Variants in CDH9 observed in about 807,000 individuals in gnomAD.
CDH9 encodes the protein cadherin 9, also known as cadherin-9.
A neutral mutation model predicts 70.9 loss-of-function variants in CDH9; 28 were observed. The observed-to-expected ratio is 0.40, with a 90% CI of 0.29 to 0.54. CDH9 has a LOEUF of 0.54. Ranked by LOEUF, CDH9 falls within the 20% of genes least tolerant of loss-of-function variation. The pLI is 0.59. For synonymous variants in CDH9, 409 were observed against 343.1 expected (o/e 1.19, Z -2.12); for missense variants, 874 against 984.4 (o/e 0.89, Z 1.50).
At chr5:26,930,803 A>G (rs1205335413) in intron 2 of CDH9, among the ~76,000 whole-genome samples, 1 of 152,142 alleles carries the variant, frequency 6.6e-6, no homozygotes, top group Non-Finnish European at 1.5e-5. Context: ...AATTTTAATC[A>G]TTATAATACA....
intron 1 of CDH9, among the ~76,000 whole-genome samples, chr5:27,012,583 G>A (rs542331890): frequency 4.6e-5 from 7 of 152,022 alleles, no homozygotes; most frequent in African/African-American, 1.7e-4. Context: ...AGCATAACAT[G>A]AGTCTAATGT....
At chr5:27,021,796 TA>T (rs2112126121) in intron 1 of CDH9, among the ~76,000 whole-genome samples, 1 of 152,114 alleles carries the variant, frequency 6.6e-6, no homozygotes, top group East Asian at 1.9e-4. Context: ...AACTGCATTT[TA>T]CAACAGGATT....
Position 27,001,159 on chromosome 5 carries a change from CTT to C in CDH9, c.-49-12779_-49-12778del, listed in dbSNP as rs1256277660. 5.9e-5 allele frequency among the ~76,000 whole-genome samples: 9 copies of C among 152,186 alleles called. No homozygotes were observed. In the East Asian group the frequency reaches 1.5e-3, roughly 26 times the overall value. ...TAGTAGGTAGGAGCTGGAAAGATGGCTTCAGGAAAGAATTCAGGCTGTAACAA... is the reference window on the plus strand; with the variant it reads ...TAGTAGGTAGGAGCTGGAAAGATGGCCAGGAAAGAATTCAGGCTGTAACAA... On this transcript the variant is annotated intron_variant, in intron 1 of 11. Coordinates refer to ENST00000231021, the MANE Select transcript of CDH9 (RefSeq NM_016279.4).
At chr5:27,010,503 T>C (rs892908961) in intron 1 of CDH9, among the ~76,000 whole-genome samples, 2 of 152,114 alleles carry the variant, frequency 1.3e-5, no homozygotes, top group African/African-American at 4.8e-5. Context: ...TCTAAACTTA[T>C]CCCTTTCTTA....
intron 1 of CDH9, among the ~76,000 whole-genome samples, chr5:27,019,272 G>C (rs1378184820): frequency 6.6e-6 from 1 of 151,980 alleles, no homozygotes; most frequent in East Asian, 1.9e-4. Flanking sequence ...TGGAGATGCA[G>C]ATATTAATAA....
intron 2 of CDH9, among the ~76,000 whole-genome samples, chr5:26,934,423 C>T (rs1010987980): frequency 3.3e-5 from 5 of 152,102 alleles, no homozygotes; most frequent in African/African-American, 1.2e-4. Context: ...TGTGATTGTG[C>T]CACTGCACTC....
intron 2 of CDH9, among the ~76,000 whole-genome samples, chr5:26,959,770 A>AT (rs916857165): frequency 3.9e-5 from 6 of 152,040 alleles, no homozygotes; most frequent in African/African-American, 9.7e-5. Flanking sequence ...CTAATGTATG[A>AT]TTTTTTTATA....
In CDH9 at chr5:26,883,088, TATATATAA is replaced by T. The variant is rs1262368262; in HGVS notation, c.1883-1473_1883-1466del. Among the ~76,000 whole-genome samples the T allele has an allele frequency of 1.6e-3, 185 of 119,158 alleles. 4 individuals carry two copies. The highest frequency in any genetic ancestry group is 5.8e-3 in the African/African-American group (179 of 31,016). 78.2% of individuals were successfully genotyped at this position (119,158 alleles called of 152,430 possible). On this transcript the variant is annotated intron_variant, in intron 11 of 11. Transcript: ENST00000231021. Reference sequence around the variant, plus strand: ...ATATATATATATATATATATATATATATATATAAAACTGCAGTAAAAATGAGACCTCTG... The same window carrying T: ...ATATATATATATATATATATATATATAACTGCAGTAAAAATGAGACCTCTG...
At chr5:26,958,555 C>CA (rs1412029976) in intron 2 of CDH9, among the ~76,000 whole-genome samples, 1 of 151,844 alleles carries the variant, frequency 6.6e-6, no homozygotes, top group Admixed American at 6.6e-5. Context: ...TATAAACAGA[C>CA]AAAAAAATTA....
intron 1 of CDH9, among the ~76,000 whole-genome samples, chr5:27,030,758 A>T (rs558381009): frequency 7.3e-5 from 11 of 151,494 alleles, no homozygotes; most frequent in African/African-American, 1.2e-4. Context: ...ACAGAAGGAG[A>T]TGAGTGTGGA....
intron 1 of CDH9, among the ~76,000 whole-genome samples, chr5:27,017,377 A>T (rs910494344): frequency 4.0e-5 from 6 of 151,894 alleles, no homozygotes; most frequent in East Asian, 1.9e-4. Context: ...GGGAATTTTT[A>T]AAAAAATGTT....
At chr5:26,910,603 A>G (rs1158375428) in intron 3 of CDH9, among the ~76,000 whole-genome samples, 3 of 152,218 alleles carry the variant, frequency 2.0e-5, no homozygotes, top group Non-Finnish European at 4.4e-5. Flanking sequence ...GTTTAAAGAA[A>G]CAGAATCACT....
intron 2 of CDH9, among the ~76,000 whole-genome samples, chr5:26,936,864 C>A (rs1741568080): frequency 1.1e-5 from 1 of 94,900 alleles, no homozygotes; most frequent in African/African-American, 3.8e-5. Context: ...CACACACACG[C>A]ACACACACAC....
chr5:26,946,795 G>A (rs929548787), intron 2 of CDH9, among the ~76,000 whole-genome samples: 1 of 152,082 alleles, frequency 6.6e-6, no homozygotes, highest in Non-Finnish European at 1.5e-5. Flanking sequence ...AAAAGAACAA[G>A]AATTGCCTGA....
chr5:26,882,079 G>A (rs1460030358), intron 11 of CDH9, among the ~76,000 whole-genome samples: 2 of 151,870 alleles, frequency 1.3e-5, no homozygotes, highest in African/African-American at 4.8e-5. Flanking sequence ...ATATATACTT[G>A]TATATGCATT....
intron 2 of CDH9, among the ~76,000 whole-genome samples, chr5:26,953,380 A>G (rs1034996657): frequency 1.3e-5 from 2 of 152,198 alleles, no homozygotes; most frequent in Non-Finnish European, 2.9e-5. Context: ...ATTTTCTCCT[A>G]GACATTACCA....
At chr5:26,952,936 A>G (rs1168072277) in intron 2 of CDH9, among the ~76,000 whole-genome samples, 2 of 151,086 alleles carry the variant, frequency 1.3e-5, no homozygotes, top group African/African-American at 4.9e-5. Flanking sequence ...TAAAGAGAAT[A>G]CAGTCAAAGT....
chr5:26,889,523 A>T (rs1020089540), intron 9 of CDH9, among the ~76,000 whole-genome samples: 2 of 152,140 alleles, frequency 1.3e-5, no homozygotes, highest in Non-Finnish European at 2.9e-5. Context: ...TCTATTAGTG[A>T]AGATAACTCA....
In CDH9 at chr5:26,930,864, T is replaced by C. The variant is rs572706601; in HGVS notation, c.229-14940A>G. ...CATGTTTTAGAATAGTGTGTTTCAC[T>C]TCAGCCATAAATGTATTTCTTTGTT... On this transcript the variant is annotated intron_variant, in intron 2 of 11. Coordinates refer to ENST00000231021, the MANE Select transcript of CDH9 (RefSeq NM_016279.4). 4.3e-3 allele frequency among the ~76,000 whole-genome samples: 656 copies of C among 152,256 alleles called. 4 individuals are homozygous for C. Among genetic ancestry groups the C allele is most frequent in the African/African-American group, 0.015 (624 of 41,578 alleles).
Sources: gnomAD v4.1 joint callset for allele counts (sites outside exome capture counted in the v4.1 genomes callset) on GRCh38, gnomAD v4.1.1 for gene constraint, MANE v1.5 for transcripts, NCBI Gene and HGNC (gene_info 2026-07-23, HGNC 2026-07-21) for gene names.